Variants in KCNA2 observed in about 807,000 individuals in gnomAD.
KCNA2 encodes potassium voltage-gated channel subfamily A member 2, also known as potassium channel, voltage gated shaker related subfamily A, member 2.
A neutral mutation model predicts 33.4 loss-of-function variants in KCNA2; 11 were observed. The ratio of observed to expected loss-of-function variants is 0.33; its 90% CI spans 0.21 to 0.55. KCNA2 has a LOEUF of 0.55. Ranked by LOEUF, KCNA2 falls within the 20% of genes least tolerant of loss-of-function variation. The probability of loss-of-function intolerance (pLI) is 0.93; values close to 1 mark genes in which losing one functional copy is unlikely to be tolerated. For synonymous variants in KCNA2, 222 were observed against 231.3 expected, an observed-to-expected ratio of 0.96 and a Z score of 0.37; for missense variants, 291 against 621.6, an observed-to-expected ratio of 0.47 and a Z score of 5.66.
At chr1:110,612,187 G>A (rs1294732394) in intron 1 of KCNA2, among the ~76,000 whole-genome samples, 3 of 152,186 alleles carry the variant, frequency 2.0e-5, no homozygotes, top group African/African-American at 7.2e-5. Flanking sequence ...GCAAGGTGGT[G>A]GAAGTACAGT....
rs1250097664 is a variant in KCNA2, at chr1:110,597,794, A to G, written c.*5489T>C. The stretch of plus-strand genomic sequence containing the variant: ...TTGCTAAAGAAAACAGTCACTATTT[A>G]TTTTATTGCACTTTTCCTCTTTAAA... On this transcript the variant is annotated 3_prime_UTR_variant, in exon 3 of 3. Coordinates refer to ENST00000316361, the MANE Select transcript of KCNA2 (RefSeq NM_004974.4). 1 of 985,176 alleles carries G rather than the reference A, an allele frequency of 1.0e-6. No homozygotes were observed. Among genetic ancestry groups the G allele is most frequent in the Non-Finnish European group, 1.2e-6 (1 of 829,810 alleles). The allele number at this position is 985,176 out of a possible 1,614,324, so 61.0% of individuals were successfully genotyped here.
chr1:110,621,895 G>C (rs906858083), intron 1 of KCNA2, among the ~76,000 whole-genome samples: 3 of 152,110 alleles, frequency 2.0e-5, no homozygotes, highest in Non-Finnish European at 4.4e-5. Flanking sequence ...GAAAATTCCA[G>C]GTTCAGATGC....
intron 1 of KCNA2, among the ~76,000 whole-genome samples, chr1:110,630,712 A>G (rs1254801287): frequency 6.6e-6 from 1 of 152,222 alleles, no homozygotes; most frequent in Admixed American, 6.5e-5. Context: ...ACTTTGAAAC[A>G]GACCTTATGC....
At chr1:110,628,853 A>G (rs1346883033) in intron 1 of KCNA2, among the ~76,000 whole-genome samples, 1 of 152,216 alleles carries the variant, frequency 6.6e-6, no homozygotes. Context: ...GACTTGTGCT[A>G]AAAGTAGATA....
Position 110,602,444 on chromosome 1 carries a change from G to T in KCNA2, c.*839C>A, listed in dbSNP as rs1198495972. On this transcript the variant is annotated 3_prime_UTR_variant, in exon 3 of 3. Coordinates refer to ENST00000316361, the MANE Select transcript of KCNA2 (RefSeq NM_004974.4). ...CATCACTGGTAAATTTCACTGCAGT[G>T]TCAGTGTAGCTGGGCCACATCAGTG... is the stretch of plus-strand genomic sequence containing the variant. The T allele has an allele frequency of 7.7e-7, 1 of 1,294,692 alleles. No homozygotes were observed. Among genetic ancestry groups the T allele is most frequent in the Non-Finnish European group, 9.8e-7 (1 of 1,019,694 alleles). 80.2% of individuals were successfully genotyped at this position (1,294,692 alleles called of 1,614,324 possible). A position where few individuals can be genotyped will look rare whatever the true frequency, so the allele number is the denominator to read the frequency against.
Position 110,598,219 on chromosome 1 carries a change from A to T in KCNA2, c.*5064T>A. On this transcript the variant is annotated 3_prime_UTR_variant, in exon 3 of 3. Transcript: ENST00000316361. ...AGCCCTCGCAGATGAGGCGGCCATC[A>T]CCCACATACAAGTTATTATGACAAT... 1 of 519,092 alleles carries T rather than the reference A, an allele frequency of 1.9e-6. No individual in the cohort carries two copies. Among genetic ancestry groups the T allele is most frequent in the Non-Finnish European group, 2.5e-6 (1 of 403,982 alleles). The allele number at this position is 519,092 out of a possible 1,614,324, so 32.2% of individuals were successfully genotyped here.
At position 110,599,091 on chromosome 1, in the gene KCNA2, C is replaced by T; in HGVS notation, c.*4192G>A. On this transcript the variant is annotated 3_prime_UTR_variant, in exon 3 of 3. Coordinates refer to ENST00000316361, the MANE Select transcript of KCNA2 (RefSeq NM_004974.4). The stretch of plus-strand genomic sequence containing the variant: ...ACTGTTGTTACCTTTTCTGTAGAGA[C>T]TGGGAGCTGCGACCATCACTGGAAG... 1.0e-6 allele frequency: 1 copy of T among 985,452 alleles called. No homozygotes were observed. Among genetic ancestry groups the T allele is most frequent in the Non-Finnish European group, 1.2e-6 (1 of 829,948 alleles). 61.0% of individuals were successfully genotyped at this position (985,452 alleles called of 1,614,324 possible). A position where few individuals can be genotyped will look rare whatever the true frequency, so the allele number is the denominator to read the frequency against.
Position 110,599,648 on chromosome 1 carries a change from G to T in KCNA2, c.*3635C>A, listed in dbSNP as rs1649251688. The T allele has an allele frequency of 5.1e-6, 5 of 985,484 alleles. No individual in the cohort carries two copies. The African/African-American group carries it at 7.0e-5, about 14-fold the overall frequency. The allele number at this position is 985,484 out of a possible 1,614,324, so 61.0% of individuals were successfully genotyped here. A position where few individuals can be genotyped will look rare whatever the true frequency, so the allele number is the denominator to read the frequency against. ...ACCGTGCCCCCAACAAAGCTGCAAAGGATGGAAGGGCAATAAAATCTGTGG... is the reference window on the plus strand; with the variant it reads ...ACCGTGCCCCCAACAAAGCTGCAAATGATGGAAGGGCAATAAAATCTGTGG... On this transcript the variant is annotated 3_prime_UTR_variant, in exon 3 of 3. Coordinates refer to ENST00000316361, the MANE Select transcript of KCNA2 (RefSeq NM_004974.4).
At position 110,604,960 on chromosome 1, in the gene KCNA2, C is replaced by T. The variant is rs1241205242; in HGVS notation, c.-163-15G>A. 1 of 624,012 alleles carries T rather than the reference C, an allele frequency of 1.6e-6. No homozygotes were observed. The highest frequency in any genetic ancestry group is 1.8e-5 in the African/African-American group (1 of 54,130). The allele number at this position is 624,012 out of a possible 1,614,324, so 38.7% of individuals were successfully genotyped here. A position where few individuals can be genotyped will look rare whatever the true frequency, so the allele number is the denominator to read the frequency against. ...GCCTCGCTTGGCTGAAAGACAGAGGCAGTTATTGACATGAGGCTACTCAGC... is the reference window on the plus strand; with the variant it reads ...GCCTCGCTTGGCTGAAAGACAGAGGTAGTTATTGACATGAGGCTACTCAGC... On this transcript the variant is annotated splice_polypyrimidine_tract_variant and intron_variant, in intron 2 of 2. Transcript: ENST00000316361. This position sits in a 1 kb window ranked among gnomAD's most constrained non-coding sequence, Gnocchi z 7.6.
At chr1:110,617,175 G>T (rs1295397552) in intron 1 of KCNA2, among the ~76,000 whole-genome samples, 2 of 152,192 alleles carry the variant, frequency 1.3e-5, no homozygotes, top group African/African-American at 4.8e-5. Flanking sequence ...TGAGGATTTT[G>T]TTCTCTCCTG....
In KCNA2 at chr1:110,594,667, A is replaced by C; in HGVS notation, c.*8616T>G. 1 of 985,420 alleles carries C rather than the reference A, an allele frequency of 1.0e-6. No homozygotes were observed. The highest frequency in any genetic ancestry group is 1.2e-6 in the Non-Finnish European group (1 of 829,982). The allele number at this position is 985,420 out of a possible 1,614,324, so 61.0% of individuals were successfully genotyped here. A position where few individuals can be genotyped will look rare whatever the true frequency, so the allele number is the denominator to read the frequency against. ...CAAATGAAGGAACCATCCAAGCACG[A>C]CAACAAAAGGAAACTGGGTCGCTGG... On this transcript the variant is annotated 3_prime_UTR_variant, in exon 3 of 3. Transcript: ENST00000316361.
chr1:110,613,798 G>T (rs1373329745), intron 1 of KCNA2, among the ~76,000 whole-genome samples: 2 of 152,130 alleles, frequency 1.3e-5, no homozygotes, highest in Non-Finnish European at 2.9e-5. Flanking sequence ...CAAGAACCAC[G>T]GTTTGAACTC....
chr1:110,601,359 C>T lies in KCNA2; in HGVS notation c.*1924G>A, dbSNP rs1280808819. 19 of 985,314 alleles carry T rather than the reference C, an allele frequency of 1.9e-5. No individual in the cohort carries two copies. Among genetic ancestry groups the T allele is most frequent in the Non-Finnish European group, 2.2e-5 (18 of 829,952 alleles). The allele number at this position is 985,314 out of a possible 1,614,324, so 61.0% of individuals were successfully genotyped here. A position where few individuals can be genotyped will look rare whatever the true frequency, so the allele number is the denominator to read the frequency against. The stretch of plus-strand genomic sequence containing the variant: ...CTCCTTGGTGTCCTTGGTTTCAAAG[C>T]AGGGGATCCATTCTGGCTCTTTAGC... On this transcript the variant is annotated 3_prime_UTR_variant, in exon 3 of 3. Transcript: ENST00000316361.
At chr1:110,606,885 C>T (rs189343960), upstream of KCNA2, 754 of 152,448 alleles carry the variant, frequency 4.9e-3, 26 homozygotes, top group Non-Finnish European at 1.1e-3. Context: ...GAATGCAGCC[C>T]GGCCGTCCCA....
At chr1:110,614,677 G>A (rs189708734) in intron 1 of KCNA2, among the ~76,000 whole-genome samples, 6 of 152,254 alleles carry the variant, frequency 3.9e-5, no homozygotes, top group Admixed American at 3.9e-4. Flanking sequence ...TCTATGATTC[G>A]TTCTTCAACT....
chr1:110,596,728 CA>C lies in KCNA2; in HGVS notation c.*6554del, dbSNP rs1226411169. ...TCTCAATAACAAAGGTTGAACCAGACATGCTTTCCCATTCCCACTCAAATAA... is the reference window on the plus strand; with the variant it reads ...TCTCAATAACAAAGGTTGAACCAGACTGCTTTCCCATTCCCACTCAAATAA... On this transcript the variant is annotated 3_prime_UTR_variant, in exon 3 of 3. Transcript: ENST00000316361. 1.0e-6 allele frequency: 1 copy of C among 985,208 alleles called. No homozygotes were observed. The allele number at this position is 985,208 out of a possible 1,614,324, so 61.0% of individuals were successfully genotyped here.
rs1648986396 is a variant in KCNA2 at position 110,594,171 on chromosome 1, G to A, written c.*9112C>T. 1 of 1,277,850 alleles carries A rather than the reference G, an allele frequency of 7.8e-7. No individual in the cohort carries two copies. Among genetic ancestry groups the A allele is most frequent in the Non-Finnish European group, 9.9e-7 (1 of 1,011,452 alleles). 79.2% of individuals were successfully genotyped at this position (1,277,850 alleles called of 1,614,324 possible). A position where few individuals can be genotyped will look rare whatever the true frequency, so the allele number is the denominator to read the frequency against. ...GAGTTTTCAGCAATTATTAGAGACA[G>A]GACATGGGAGGGCAGCTGAAGATTC... On this transcript the variant is annotated 3_prime_UTR_variant, in exon 3 of 3. Coordinates refer to ENST00000316361, the MANE Select transcript of KCNA2 (RefSeq NM_004974.4).
intron 1 of KCNA2, among the ~76,000 whole-genome samples, chr1:110,627,903 A>T (rs1294756247): frequency 6.6e-6 from 1 of 152,096 alleles, no homozygotes; most frequent in Non-Finnish European, 1.5e-5. Context: ...TATGAGGTGG[A>T]CAGGAAGTGA....
intron 1 of KCNA2, among the ~76,000 whole-genome samples, chr1:110,626,934 A>G (rs1050356964): frequency 2.0e-5 from 3 of 152,238 alleles, no homozygotes; most frequent in African/African-American, 7.2e-5. Context: ...TAGTATAAGA[A>G]GAATGTGATG....
Sources: allele counts gnomAD v4.1 joint callset (sites outside exome capture counted in the v4.1 genomes callset), GRCh38; gene constraint gnomAD v4.1.1; non-coding constraint Gnocchi (gnomAD v3.1); transcripts MANE v1.5; gene names NCBI Gene and HGNC (gene_info 2026-07-23, HGNC 2026-07-21).